The following ZNF273 variants were observed in gnomAD, a reference collection of about 807,000 sequenced individuals.
The protein encoded by ZNF273 is zinc finger protein 273, also known as zinc finger protein 9.
In ZNF273, 11 loss-of-function variants were observed where a neutral mutation model predicts 14.9. That is an observed-to-expected ratio of 0.74 (90% CI 0.46 to 1.22). The LOEUF is 1.22. ZNF273 is among the 50% of genes most tolerant of loss of function. The pLI is 0.00. For missense variants in ZNF273, 577 were observed against 660.6 expected (o/e 0.87, Z 1.39); for synonymous variants, 199 against 223.9 (o/e 0.89, Z 0.99).
downstream of ZNF273, chr7:64,880,309 C>T (rs1057122948): frequency 6.6e-6 from 1 of 152,228 alleles, no homozygotes; most frequent in African/African-American, 2.4e-5. Flanking sequence ...TCAGGCATGC[C>T]TAGACGGAGT....
intron 1 of ZNF273, among the ~76,000 whole-genome samples, chr7:64,912,826 G>GTTTTTTTTTTTTGTTTTTTTTTTTTTTTT (rs1793640107): frequency 2.7e-5 from 1 of 36,568 alleles, no homozygotes; most frequent in Non-Finnish European, 5.7e-5. Flanking sequence ...ATTCATTTTA[G>GTTTTTTTTTTTTGTTTTTTTTTTTTTTTT]TTTTTTTTTT....
At chr7:64,895,415 G>C (rs1792309187) in intron 3 of ZNF273, among the ~76,000 whole-genome samples, 1 of 152,198 alleles carries the variant, frequency 6.6e-6, no homozygotes, top group Non-Finnish European at 1.5e-5. Context: ...CAGGGATTTA[G>C]ATCTAGTTGA....
chr7:64,886,142 C>A (rs1791563759), intron 1 of ZNF273, among the ~76,000 whole-genome samples: 1 of 152,200 alleles, frequency 6.6e-6, no homozygotes, highest in African/African-American at 2.4e-5. Flanking sequence ...GAGGACACAG[C>A]CACCTGTTGC....
chr7:64,928,096 T>C lies in ZNF273; in HGVS notation c.768T>C (p.His256=). The change falls in exon 4 of 4, where the codon CAT becomes CAC. Residue 256 remains histidine, a synonymous_variant. Coordinates refer to ENST00000476120, the MANE Select transcript of ZNF273 (RefSeq NM_021148.3). ...ATCTTACTAAACATAAGATAATTCATCCTGAAGTGAATCCCTACAAATGTG... is the reference window on the plus strand; with the variant it reads ...ATCTTACTAAACATAAGATAATTCACCCTGAAGTGAATCCCTACAAATGTG... The part of the protein sequence containing the change: ...FSNLTKHKII[H]PEVNPYKCEE... 6.2e-7 allele frequency: 1 copy of C among 1,613,582 alleles called. No individual in the cohort carries two copies. Among genetic ancestry groups the C allele is most frequent in the Non-Finnish European group, 8.5e-7 (1 of 1,179,640 alleles).
exon 2 of ZNF273, chr7:64,888,753 G>A: frequency 1.0e-6 from 1 of 985,812 alleles, no homozygotes; most frequent in South Asian, 4.7e-5. Context: ...GCCCCGCAGA[G>A]CCGGATAGAA....
At chr7:64,918,156 A>G in intron 2 of ZNF273, 41 bp from the exon 3 acceptor site, 1 of 1,516,722 alleles carries the variant, frequency 6.6e-7, no homozygotes, top group Non-Finnish European at 8.9e-7. Flanking sequence ...ATAATTGGAG[A>G]ATATGAGCAA....
intron 1 of ZNF273, among the ~76,000 whole-genome samples, chr7:64,904,834 A>C (rs922496276): frequency 3.3e-5 from 5 of 152,162 alleles, no homozygotes; most frequent in African/African-American, 1.2e-4. Flanking sequence ...TTCCCTAGGC[A>C]CAGAGATCTT....
intron 3 of ZNF273, among the ~76,000 whole-genome samples, chr7:64,925,967 A>T (rs1212732083): frequency 6.6e-6 from 1 of 152,094 alleles, no homozygotes; most frequent in African/African-American, 2.4e-5. Context: ...GTATTTTCAT[A>T]TGATTATGTG....
At chr7:64,901,463 A>C (rs980451692), upstream of ZNF273, among the ~76,000 whole-genome samples, 2 of 152,246 alleles carry the variant, frequency 1.3e-5, no homozygotes, top group African/African-American at 4.8e-5. Context: ...TTGGTATCCC[A>C]GAGGCTGACC....
At chr7:64,899,767 T>G (rs7802164), upstream of ZNF273, among the ~76,000 whole-genome samples, 61,124 of 150,532 alleles carry the variant, frequency 0.41, 12,606 homozygotes, top group South Asian at 0.45. Flanking sequence ...CAAGGTTTTT[T>G]TTTTTTTTTT....
intron 2 of ZNF273, 96 bp downstream of exon 2, chr7:64,917,803 T>C: frequency 1.5e-6 from 2 of 1,314,546 alleles, no homozygotes; most frequent in Non-Finnish European, 1.0e-6. Flanking sequence ...AAATTTTAGA[T>C]CCCTATTTTC....
chr7:64,898,853 T>C (rs186186803), upstream of ZNF273, among the ~76,000 whole-genome samples: 1 of 152,360 alleles, frequency 6.6e-6, no homozygotes, highest in East Asian at 1.9e-4. Flanking sequence ...GTCATTTGCA[T>C]GGCTAGATAC....
intron 1 of ZNF273, among the ~76,000 whole-genome samples, chr7:64,912,688 A>G (rs1793606426): frequency 6.6e-6 from 1 of 152,018 alleles, no homozygotes; most frequent in East Asian, 1.9e-4. Context: ...AAAATAAGGG[A>G]GAATATTTTG....
intron 3 of ZNF273, among the ~76,000 whole-genome samples, chr7:64,925,257 C>CT (rs1277333338): frequency 6.6e-6 from 1 of 151,962 alleles, no homozygotes; most frequent in African/African-American, 2.4e-5. Flanking sequence ...CTCTCATTTT[C>CT]TTTATCTTCT....
chr7:64,926,434 C>T (rs202021601), intron 3 of ZNF273, among the ~76,000 whole-genome samples: 1 of 151,882 alleles, frequency 6.6e-6, no homozygotes, highest in East Asian at 1.9e-4. Flanking sequence ...TGTCATTTTA[C>T]CTTAACAATT....
intron 3 of ZNF273, among the ~76,000 whole-genome samples, chr7:64,919,715 T>C (rs897104910): frequency 6.6e-6 from 1 of 152,196 alleles, no homozygotes; most frequent in African/African-American, 2.4e-5. Context: ...TTTCTTCCTC[T>C]ATTTTACCAG....
chr7:64,894,135 G>A (rs1792220488), downstream of ZNF273, among the ~76,000 whole-genome samples: 2 of 152,092 alleles, frequency 1.3e-5, no homozygotes, highest in Admixed American at 1.3e-4. Context: ...CTCTAGAGTA[G>A]CTGAAACTAC....
chr7:64,902,514 G>C (rs1282910783), upstream of ZNF273, among the ~76,000 whole-genome samples: 1 of 152,224 alleles, frequency 6.6e-6, no homozygotes, highest in African/African-American at 2.4e-5. Flanking sequence ...TGGATCACCT[G>C]AGGTCAGGAG....
intron 1 of ZNF273, among the ~76,000 whole-genome samples, chr7:64,909,014 ATCC>A (rs2129062736): frequency 6.6e-6 from 1 of 152,246 alleles, no homozygotes; most frequent in African/African-American, 2.4e-5. Context: ...GGCTTAAGCA[ATCC>A]TCCTACCTCA....
Sources: allele counts gnomAD v4.1 joint callset (sites outside exome capture counted in the v4.1 genomes callset), GRCh38; gene constraint gnomAD v4.1.1; transcripts MANE v1.5; gene names NCBI Gene and HGNC (gene_info 2026-07-23, HGNC 2026-07-21).